Variants in CENPL observed in about 807,000 individuals in gnomAD.
CENPL encodes interphase centromere complex protein 33.
In CENPL, 20 loss-of-function variants were observed where a neutral mutation model predicts 35.2. That is an observed-to-expected ratio of 0.57 (90% CI 0.40 to 0.83). CENPL has a LOEUF of 0.83. Ranked by LOEUF, CENPL falls within the 40% of genes least tolerant of loss-of-function variation. CENPL has a pLI of 0.00. For synonymous variants in CENPL, 140 were observed against 140.6 expected, an observed-to-expected ratio of 1.00 and a Z score of 0.03; for missense variants, 363 against 395.8, an observed-to-expected ratio of 0.92 and a Z score of 0.70.
intron 3 of CENPL, 99 bp downstream of exon 3, chr1:173,811,033 T>A: frequency 9.4e-7 from 1 of 1,061,950 alleles, no homozygotes; most frequent in Non-Finnish European, 1.4e-6. Context: ...GCTGAGGGGT[T>A]AAGAAGATAC....
chr1:173,811,632 C>CT (rs1650831713), intron 2 of CENPL, among the ~76,000 whole-genome samples: 1 of 152,220 alleles, frequency 6.6e-6, no homozygotes, highest in South Asian at 2.1e-4. Flanking sequence ...CACCTTCATT[C>CT]TTTAACACAT....
intron 3 of CENPL, chr1:173,808,726 A>G (rs939559362): frequency 1.3e-5 from 2 of 152,140 alleles, no homozygotes; most frequent in Non-Finnish European, 2.9e-5. Context: ...TATACTATAT[A>G]TAAAAATTAA....
rs2102576409 is a variant in CENPL at position 173,807,641 on chromosome 1, A to C, written c.169-123T>G. 3 of 734,202 alleles carry C rather than the reference A, an allele frequency of 4.1e-6. No homozygotes were observed. The East Asian group carries it at 8.3e-5, about 20-fold the overall frequency. 45.5% of individuals were successfully genotyped at this position (734,202 alleles called of 1,614,324 possible). A position where few individuals can be genotyped will look rare whatever the true frequency, so the allele number is the denominator to read the frequency against. On this transcript the variant is annotated intron_variant, in intron 3 of 5. Transcript: ENST00000682279. ...GTACCTGATTTTTGCACTCCAACCA[A>C]ATGAGTTTGCAGGACTTTTTGCAGA...
At position 173,820,360 on chromosome 1, in the gene CENPL, C is replaced by CA. The variant is rs78505328; in HGVS notation, c.-8+3565dup. ...GACAACACAGCAAGACCCCATCTTTCAAAAAAAAAAAAGGAATTAGCCTGG... is the reference window on the plus strand; with the variant it reads ...GACAACACAGCAAGACCCCATCTTTCAAAAAAAAAAAAAGGAATTAGCCTGG... On this transcript the variant is annotated intron_variant, in intron 2 of 5. Coordinates refer to ENST00000682279, the MANE Select transcript of CENPL (RefSeq NM_001387287.1). Among the ~76,000 whole-genome samples the CA allele has an allele frequency of 4.0e-3, 557 of 140,616 alleles. 1 individual carries two copies. The highest frequency in any genetic ancestry group is 6.1e-3 in the Non-Finnish European group (391 of 63,676). 92.2% of individuals were successfully genotyped at this position (140,616 alleles called of 152,430 possible).
At position 173,803,092 on chromosome 1, in the gene CENPL, T is replaced by C. The variant is rs1192654079; in HGVS notation, c.834A>G (p.Glu278=). ...VHKTPGEVTQ[E]EVDLFMDCLY... is the part of the protein sequence containing the mutation. ...GGCAATCCATGAATAGGTCAACTTC[T>C]TCCTGGGTAACCTCCCCAGGTGTTT... Residue 278 remains glutamate, a synonymous_variant, in exon 5 of 6, where the codon GAA becomes GAG. Transcript: ENST00000682279. 6.2e-7 allele frequency: 1 copy of C among 1,614,026 alleles called. No homozygotes were observed. The highest frequency in any genetic ancestry group is 2.2e-5 in the East Asian group (1 of 44,886).
chr1:173,802,435 T>C (rs1405636001), intron 5 of CENPL, among the ~76,000 whole-genome samples: 1 of 152,164 alleles, frequency 6.6e-6, no homozygotes, highest in Non-Finnish European at 1.5e-5. Context: ...CTCAATCTCC[T>C]GACCTCATGA....
At chr1:173,816,323 G>GA (rs1651371842) in intron 2 of CENPL, among the ~76,000 whole-genome samples, 1 of 152,074 alleles carries the variant, frequency 6.6e-6, no homozygotes, top group Non-Finnish European at 1.5e-5. Flanking sequence ...CACAGAATTG[G>GA]AAAAAACTAC....
In CENPL at chr1:173,824,700, C is replaced by T. The variant is rs1007816262; in HGVS notation, c.-590G>A. On this transcript the variant is annotated 5_prime_UTR_variant, in exon 1 of 6. Coordinates refer to ENST00000682279, the MANE Select transcript of CENPL (RefSeq NM_001387287.1). Reference sequence around the variant, plus strand: ...AGGGCGCTTGGACCCCAGCGGCGATCTGTGTTTGGGTTCGCGCTCTGGGAG... The same window carrying T: ...AGGGCGCTTGGACCCCAGCGGCGATTTGTGTTTGGGTTCGCGCTCTGGGAG... The T allele has an allele frequency of 1.8e-5, 3 of 165,588 alleles. No homozygotes were observed. In the South Asian group the frequency reaches 4.0e-4, roughly 22 times the overall value. 10.3% of individuals were successfully genotyped at this position (165,588 alleles called of 1,614,324 possible).
intron 2 of CENPL, chr1:173,822,482 T>C (rs1652048285): frequency 6.6e-6 from 1 of 152,176 alleles, no homozygotes; most frequent in Non-Finnish European, 1.5e-5. Flanking sequence ...AATCTCTGTC[T>C]TCAGACCATT....
intron 5 of CENPL, among the ~76,000 whole-genome samples, chr1:173,801,815 G>A (rs374225208): frequency 6.6e-5 from 10 of 151,926 alleles, no homozygotes; most frequent in East Asian, 5.8e-4. Context: ...GTAAGACTCC[G>A]TCTCAAAATA....
Position 173,800,288 on chromosome 1 carries a change from T to G in CENPL, c.*160A>C, listed in dbSNP as rs1051542106. The G allele has an allele frequency of 2.0e-6, 1 of 511,514 alleles. No homozygotes were observed. The highest frequency in any genetic ancestry group is 3.1e-5 in the East Asian group (1 of 32,156). 31.7% of individuals were successfully genotyped at this position (511,514 alleles called of 1,614,324 possible). ...TCTACTACCATATTCTTTGTTCTTC[T>G]AGATCCTTCTTGGCTTCCATCTTGG... On this transcript the variant is annotated 3_prime_UTR_variant, in exon 6 of 6. Coordinates refer to ENST00000682279, the MANE Select transcript of CENPL (RefSeq NM_001387287.1).
chr1:173,803,496 T>C lies in CENPL; in HGVS notation c.430A>G (p.Lys144Glu), dbSNP rs1337364781. The C allele has an allele frequency of 3.2e-6, 5 of 1,565,362 alleles. No individual in the cohort carries two copies. Among genetic ancestry groups the C allele is most frequent in the Non-Finnish European group, 4.3e-6 (5 of 1,153,626 alleles). ...CTATTCTCAGATGGCAATTGAGATT[T>C]TGACACAATCTACAAAGAAAGTAAA... ...PEAFLVQIVSKSQLPSENREG... is the reference protein window; with the variant it reads ...PEAFLVQIVSESQLPSENREG... Residue 144 changes from lysine to glutamate, a missense_variant, in exon 5 of 6, where the codon AAA becomes GAA. Coordinates refer to ENST00000682279, the MANE Select transcript of CENPL (RefSeq NM_001387287.1).
intron 3 of CENPL, 85 bp downstream of exon 3, chr1:173,811,044 TAAG>T (rs1453690732): frequency 1.6e-6 from 2 of 1,239,130 alleles, no homozygotes; most frequent in Non-Finnish European, 2.3e-6. Context: ...AAGAAGATAC[TAAG>T]AATACTATAG....
intron 2 of CENPL, among the ~76,000 whole-genome samples, chr1:173,812,152 C>T (rs181210123): frequency 5.1e-4 from 77 of 152,058 alleles, no homozygotes; most frequent in African/African-American, 1.8e-3. Flanking sequence ...AGTAGGTAAA[C>T]AAAGTGGCCA....
rs1557845553 is a variant in CENPL, at chr1:173,807,522, T to C, written c.169-4A>G. The C allele has an allele frequency of 4.2e-6, 6 of 1,437,794 alleles. No individual in the cohort carries two copies. In the Middle Eastern group the frequency reaches 5.7e-4, roughly 136 times the overall value. 89.1% of individuals were successfully genotyped at this position (1,437,794 alleles called of 1,614,324 possible). ...CCTTTTGAGGGTCAACATCTTCCTA[T>C]AAAAAAAAATCAAGACAAAAGAAGT... is the stretch of plus-strand genomic sequence containing the variant. On this transcript the variant is annotated splice_polypyrimidine_tract_variant and splice_region_variant and intron_variant, in intron 3 of 5. Transcript: ENST00000682279.
intron 2 of CENPL, among the ~76,000 whole-genome samples, chr1:173,812,754 C>T (rs1009933930): frequency 1.3e-5 from 2 of 152,128 alleles, no homozygotes; most frequent in Non-Finnish European, 2.9e-5. Context: ...TTCTAAAAAC[C>T]AGAGGGCCTC....
intron 4 of CENPL, among the ~76,000 whole-genome samples, chr1:173,804,248 C>T (rs939408112): frequency 1.3e-5 from 2 of 152,188 alleles, no homozygotes; most frequent in Non-Finnish European, 2.9e-5. Context: ...CCCACTGGTC[C>T]TGCTTTCTTC....
chr1:173,821,907 G>C (rs1651990864), intron 2 of CENPL: 1 of 150,838 alleles, frequency 6.6e-6, no homozygotes, highest in Non-Finnish European at 1.5e-5. Flanking sequence ...CTGGGCTCAG[G>C]CGATCCTCCC....
chr1:173,818,390 T>C (rs1571967470), intron 2 of CENPL, among the ~76,000 whole-genome samples: 1 of 152,150 alleles, frequency 6.6e-6, no homozygotes, highest in South Asian at 2.1e-4. Context: ...CTAATTCTCC[T>C]CTCCAACCTG....
Sources: gnomAD v4.1 joint callset for allele counts (sites outside exome capture counted in the v4.1 genomes callset) on GRCh38, gnomAD v4.1.1 for gene constraint, MANE v1.5 for transcripts, NCBI Gene and HGNC (gene_info 2026-07-23, HGNC 2026-07-21) for gene names.